CLPB: variants seen among roughly 807,000 people sequenced by gnomAD.
CLPB encodes the protein mitochondrial disaggregase.
A neutral mutation model predicts 78.4 loss-of-function variants in CLPB; 40 were observed. The ratio of observed to expected loss-of-function variants is 0.51; its 90% CI spans 0.40 to 0.66. The LOEUF (loss-of-function observed/expected upper bound fraction) is 0.66, where lower values mean the gene tolerates loss of function less well. Among genes scored for constraint, CLPB ranks in the 30% least tolerant of loss-of-function variants. CLPB has a pLI of 0.00. For missense variants in CLPB, 780 were observed against 886.9 expected (o/e 0.88, Z 1.53); for synonymous variants, 333 against 348.0 (o/e 0.96, Z 0.48).
chr11:72,433,298 G>A (rs1250026905), intron 1 of CLPB, among the ~76,000 whole-genome samples: 1 of 152,116 alleles, frequency 6.6e-6, no homozygotes, highest in East Asian at 1.9e-4. Context: ...GGTGGCTCAC[G>A]CCTGTAATCC....
At chr11:72,362,765 A>T (rs751498265) in intron 4 of CLPB, among the ~76,000 whole-genome samples, 1 of 152,206 alleles carries the variant, frequency 6.6e-6, no homozygotes, top group Admixed American at 6.5e-5. Context: ...GTTAGTCATT[A>T]TCTCATCATG....
chr11:72,288,842 AAC>A lies in CLPB; in HGVS notation c.*4523_*4524del, dbSNP rs1367474419. ...CTATGGAAGTAAAAGATATGGGTCCAACACCACCTAGGAGTTCTGGCAGAGAA... is the reference window on the plus strand; with the variant it reads ...CTATGGAAGTAAAAGATATGGGTCCAACCACCTAGGAGTTCTGGCAGAGAA... On this transcript the variant is annotated 3_prime_UTR_variant, in exon 16 of 16. Transcript: ENST00000538039. 1 of 152,382 alleles carries A rather than the reference AAC, an allele frequency of 6.6e-6. No individual in the cohort carries two copies. The highest frequency in any genetic ancestry group is 2.1e-4 in the South Asian group (1 of 4,828). 9.4% of individuals were successfully genotyped at this position (152,382 alleles called of 1,614,324 possible).
chr11:72,365,419 T>G (rs71477724), intron 4 of CLPB, among the ~76,000 whole-genome samples: 1 of 152,162 alleles, frequency 6.6e-6, no homozygotes, highest in East Asian at 1.9e-4. Flanking sequence ...CTGGGAATAG[T>G]TGAAGAGAAA....
intron 2 of CLPB, among the ~76,000 whole-genome samples, chr11:72,429,846 T>C (rs181344081): frequency 3.0e-4 from 45 of 152,382 alleles, no homozygotes; most frequent in Middle Eastern, 3.4e-3. Context: ...AAGCCAGGTA[T>C]GGGCCCCTGG....
intron 2 of CLPB, among the ~76,000 whole-genome samples, chr11:72,418,868 A>AG (rs1291762889): frequency 1.3e-5 from 2 of 151,700 alleles, no homozygotes; most frequent in Admixed American, 6.6e-5. Flanking sequence ...AAAAAAAAAA[A>AG]AAAAGAAAAG....
At chr11:72,316,963 C>A in intron 7 of CLPB, 143 bp downstream of exon 7, 2 of 539,648 alleles carry the variant, frequency 3.7e-6, no homozygotes, top group Non-Finnish European at 6.4e-6. Flanking sequence ...ATGCAGAGAG[C>A]TTATAACAAT....
chr11:72,356,812 C>A (rs1338532334), intron 5 of CLPB: 1 of 152,154 alleles, frequency 6.6e-6, no homozygotes, highest in African/African-American at 2.4e-5. Context: ...AAGAGGGGCT[C>A]CTTATAAAGT....
At position 72,290,523 on chromosome 11, in the gene CLPB, CA is replaced by C. The variant is rs1487412964; in HGVS notation, c.*2843del. 6.6e-6 allele frequency: 1 copy of C among 152,114 alleles called. No individual in the cohort carries two copies. Among genetic ancestry groups the C allele is most frequent in the Non-Finnish European group, 1.5e-5 (1 of 68,022 alleles). The allele number at this position is 152,114 out of a possible 1,614,324, so 9.4% of individuals were successfully genotyped here. A position where few individuals can be genotyped will look rare whatever the true frequency, so the allele number is the denominator to read the frequency against. On this transcript the variant is annotated 3_prime_UTR_variant, in exon 16 of 16. Coordinates refer to ENST00000538039, the MANE Select transcript of CLPB (RefSeq NM_001258392.3). ...GATGATGGAAATGAAAATCAGTAGG[CA>C]AAATTTTAAGAATAAGACATTCACA...
intron 6 of CLPB, among the ~76,000 whole-genome samples, chr11:72,322,116 C>G (rs1163634153): frequency 1.3e-5 from 2 of 152,062 alleles, no homozygotes; most frequent in African/African-American, 2.4e-5. Context: ...ATTTGAAAGT[C>G]TCTTAAACTA....
intron 2 of CLPB, chr11:72,429,169 G>T (rs187526787): frequency 1.2e-4 from 19 of 152,316 alleles, no homozygotes; most frequent in African/African-American, 4.3e-4. Flanking sequence ...ACAACAGGAT[G>T]ACATCTGTGC....
At chr11:72,424,260 G>T (rs1027813253) in intron 2 of CLPB, among the ~76,000 whole-genome samples, 1 of 152,130 alleles carries the variant, frequency 6.6e-6, no homozygotes, top group Admixed American at 6.5e-5. Context: ...GAGTATAGGC[G>T]CTCAGCCATA....
intron 2 of CLPB, among the ~76,000 whole-genome samples, chr11:72,405,554 G>A (rs1018860229): frequency 1.3e-5 from 2 of 152,154 alleles, no homozygotes; most frequent in Non-Finnish European, 2.9e-5. Flanking sequence ...GCATGCTACT[G>A]TCCTGTGCTC....
intron 4 of CLPB, among the ~76,000 whole-genome samples, chr11:72,364,566 C>T (rs927388686): frequency 6.6e-6 from 1 of 151,872 alleles, no homozygotes; most frequent in African/African-American, 2.4e-5. Context: ...ACCTATGTTG[C>T]CTAGGCTGGT....
intron 5 of CLPB, among the ~76,000 whole-genome samples, chr11:72,345,184 TTACTG>T (rs1371997146): frequency 6.6e-6 from 1 of 152,156 alleles, no homozygotes; most frequent in Non-Finnish European, 1.5e-5. Flanking sequence ...TTCTAAGACT[TTACTG>T]TAAAGGCATA....
chr11:72,312,077 G>A lies in CLPB; in HGVS notation c.989-3473C>T, dbSNP rs1484391239. ...GTTACAGGATCTAGCATGGAGTCCC[G>A]CCTCTGTCACTTACCAGCTGACTGA... is the stretch of plus-strand genomic sequence containing the variant. On this transcript the variant is annotated intron_variant, in intron 7 of 15. Coordinates refer to ENST00000538039, the MANE Select transcript of CLPB (RefSeq NM_001258392.3). The surrounding 1 kb of genome is among the most constrained non-coding windows in gnomAD (Gnocchi z 4.2). 1.3e-5 allele frequency among the ~76,000 whole-genome samples: 2 copies of A among 152,198 alleles called. No individual in the cohort carries two copies. Among genetic ancestry groups the A allele is most frequent in the South Asian group, 2.1e-4 (1 of 4,822 alleles).
intron 4 of CLPB, among the ~76,000 whole-genome samples, chr11:72,369,568 C>T (rs1262233983): frequency 6.6e-6 from 1 of 151,450 alleles, no homozygotes; most frequent in Admixed American, 6.6e-5. Context: ...TGTTCCCCGT[C>T]TCTACACCTG....
At chr11:72,401,295 G>T (rs1434099934) in intron 3 of CLPB, among the ~76,000 whole-genome samples, 1 of 152,118 alleles carries the variant, frequency 6.6e-6, no homozygotes, top group East Asian at 1.9e-4. Flanking sequence ...AAAAAAATTA[G>T]CTGGGTGTGG....
At chr11:72,297,918 G>A (rs1414724083) in intron 11 of CLPB, among the ~76,000 whole-genome samples, 1 of 152,108 alleles carries the variant, frequency 6.6e-6, no homozygotes, top group Non-Finnish European at 1.5e-5. Flanking sequence ...CTGACCCAAA[G>A]GGTGACTTTC....
Position 72,295,572 on chromosome 11 carries a change from C to T in CLPB, c.1406G>A (p.Ser469Asn). The T allele has an allele frequency of 6.2e-7, 1 of 1,614,200 alleles. No homozygotes were observed. Among genetic ancestry groups the T allele is most frequent in the Non-Finnish European group, 8.5e-7 (1 of 1,180,022 alleles). The change falls in exon 12 of 16, where the codon AGC becomes AAC. Residue 469 changes from serine to asparagine, a missense_variant. Physicochemically the swap from Ser to Asn is conservative, Grantham distance 46. Transcript: ENST00000538039. ...AIFIMTSNVA[S>N]DEIAQHALQL... ...CAGCGCGTGCTGTGCGATCTCGTCG[C>T]TGGCCACATTGGAGGTCATGATGAA... is the stretch of plus-strand genomic sequence containing the variant.
Sources: allele counts gnomAD v4.1 joint callset (sites outside exome capture counted in the v4.1 genomes callset), GRCh38; gene constraint gnomAD v4.1.1; non-coding constraint Gnocchi (gnomAD v3.1); transcripts MANE v1.5; gene names NCBI Gene and HGNC (gene_info 2026-07-23, HGNC 2026-07-21).